CLOCK: variants seen among roughly 807,000 people sequenced by gnomAD.
CLOCK encodes circadian locomoter output cycles protein kaput.
CLOCK carries 43 observed loss-of-function variants against 118.4 expected under a neutral mutation model. That is an observed-to-expected ratio of 0.36 (90% CI 0.28 to 0.47). The LOEUF is 0.47. CLOCK is among the 20% of genes least tolerant of loss of function. CLOCK has a pLI of 1.00. For missense variants in CLOCK, 846 were observed against 999.9 expected (o/e 0.85, Z 2.08); for synonymous variants, 326 against 339.2 (o/e 0.96, Z 0.43).
At chr4:55,457,229 C>G (rs943347900) in intron 11 of CLOCK, among the ~76,000 whole-genome samples, 2 of 152,160 alleles carry the variant, frequency 1.3e-5, no homozygotes, top group Admixed American at 6.5e-5. Flanking sequence ...ACTCCTCACA[C>G]CCAATCACAC....
In CLOCK at chr4:55,435,046, T is replaced by C; in HGVS notation, c.*369A>G. 3.1e-6 allele frequency: 1 copy of C among 323,294 alleles called. No individual in the cohort carries two copies. The highest frequency in any genetic ancestry group is 2.1e-5 in the African/African-American group (1 of 46,584). 20.0% of individuals were successfully genotyped at this position (323,294 alleles called of 1,614,324 possible). On this transcript the variant is annotated 3_prime_UTR_variant, in exon 23 of 23. Transcript: ENST00000513440. ...GCAGTGGTATGTCCTCTGTAACACT[T>C]GATAAGAGGCACAGAACCACTAAAA...
chr4:55,485,855 C>T, intron 3 of CLOCK, among the ~76,000 whole-genome samples: 1 of 151,832 alleles, frequency 6.6e-6, no homozygotes, highest in Non-Finnish European at 1.5e-5. Context: ...TCTCATGTAC[C>T]CCATAAATAA....
In CLOCK at chr4:55,433,141, G is replaced by A. The variant is rs544813759; in HGVS notation, c.*2274C>T. On this transcript the variant is annotated 3_prime_UTR_variant, in exon 23 of 23. Transcript: ENST00000513440. ...GGTCAAGAAAGGCAATTTGAAAGGG[G>A]AGAAGAACAATGCTATTGCCATATT... The A allele has an allele frequency of 8.8e-4, 134 of 152,774 alleles. 1 individual carries two copies. The highest frequency in any genetic ancestry group is 1.7e-3 in the East Asian group (9 of 5,186). 9.5% of individuals were successfully genotyped at this position (152,774 alleles called of 1,614,324 possible).
chr4:55,542,607 C>T (rs1010925480), intron 1 of CLOCK, among the ~76,000 whole-genome samples: 1 of 151,728 alleles, frequency 6.6e-6, no homozygotes, highest in East Asian at 1.9e-4. Context: ...TATTAGAGAA[C>T]CAGAGGGATG....
Position 55,476,071 on chromosome 4 carries a change from A to G in CLOCK, c.257-17T>C, listed in dbSNP as rs774294028. The G allele has an allele frequency of 1.3e-6, 2 of 1,569,880 alleles. No individual in the cohort carries two copies. The highest frequency in any genetic ancestry group is 1.8e-6 in the Non-Finnish European group (2 of 1,140,506). Reference sequence around the variant, plus strand: ...CAGTGATTTCTGTAAACAGATTGACATATTAGTGGCATACTCCAACCACCG... The same window carrying G: ...CAGTGATTTCTGTAAACAGATTGACGTATTAGTGGCATACTCCAACCACCG... On this transcript the variant is annotated splice_polypyrimidine_tract_variant and intron_variant, in intron 6 of 22. Transcript: ENST00000513440.
chr4:55,435,640 G>A, intron 22 of CLOCK, 46 bp from the exon 23 acceptor site: 1 of 1,586,562 alleles, frequency 6.3e-7, no homozygotes, highest in Non-Finnish European at 8.6e-7. Flanking sequence ...TCCCTTTATG[G>A]CACCCACATA....
chr4:55,520,943 C>T (rs539561659), intron 1 of CLOCK, among the ~76,000 whole-genome samples: 117 of 152,096 alleles, frequency 7.7e-4, no homozygotes, highest in Non-Finnish European at 1.5e-3. Context: ...AGATTTAGTC[C>T]CCAAGGTTCA....
At chr4:55,466,718 A>C (rs1001153635) in intron 8 of CLOCK, among the ~76,000 whole-genome samples, 9 of 152,300 alleles carry the variant, frequency 5.9e-5, no homozygotes, top group Admixed American at 3.9e-4. Context: ...TGCCACTTTA[A>C]TAGGTGTCAA....
intron 21 of CLOCK, among the ~76,000 whole-genome samples, chr4:55,440,486 T>A (rs1222737554): frequency 1.3e-5 from 2 of 152,236 alleles, no homozygotes; most frequent in African/African-American, 4.8e-5. Context: ...TGGCATGACA[T>A]AACTGTATTT....
chr4:55,491,787 G>T (rs748111734), intron 2 of CLOCK, among the ~76,000 whole-genome samples: 19 of 151,050 alleles, frequency 1.3e-4, no homozygotes, highest in African/African-American at 4.6e-4. Context: ...CAACAGCACA[G>T]ATGACTTTAC....
At chr4:55,448,601 C>CGCGCGCGTGTGT (rs764071880) in intron 18 of CLOCK, among the ~76,000 whole-genome samples, 178 bp downstream of exon 18, 19 of 117,038 alleles carry the variant, frequency 1.6e-4, no homozygotes, top group South Asian at 8.7e-4. Flanking sequence ...CGCACGCGCG[C>CGCGCGCGTGTGT]GTGTGTGTGT....
chr4:55,435,720 T>C, intron 22 of CLOCK, 126 bp from the exon 23 acceptor site: 2 of 945,620 alleles, frequency 2.1e-6, no homozygotes, highest in South Asian at 1.4e-5. Flanking sequence ...CATATCACTT[T>C]CACTCTCTGG....
Position 55,430,145 on chromosome 4 carries a change from C to T in CLOCK, c.*5270G>A, listed in dbSNP as rs1023556739. ...CTTTAAAAGCAATTGCTTCTTTGAA[C>T]CCCTTTCTAAATTCTTTCATAAATA... On this transcript the variant is annotated 3_prime_UTR_variant, in exon 23 of 23. Transcript: ENST00000513440. 6.6e-5 allele frequency: 10 copies of T among 152,168 alleles called. No homozygotes were observed. Among genetic ancestry groups the T allele is most frequent in the African/African-American group, 2.2e-4 (9 of 41,448 alleles). The allele number at this position is 152,168 out of a possible 1,614,324, so 9.4% of individuals were successfully genotyped here. A position where few individuals can be genotyped will look rare whatever the true frequency, so the allele number is the denominator to read the frequency against.
chr4:55,510,629 T>TTA (rs1553901170), intron 1 of CLOCK, among the ~76,000 whole-genome samples: 4,880 of 104,334 alleles, frequency 0.047, 331 homozygotes, highest in African/African-American at 0.16. Context: ...TCTGTCTTTT[T>TTA]AAAAAAAAAA....
At chr4:55,530,260 T>C (rs1730451079) in intron 1 of CLOCK, among the ~76,000 whole-genome samples, 1 of 152,126 alleles carries the variant, frequency 6.6e-6, no homozygotes, top group African/African-American at 2.4e-5. Flanking sequence ...AAGGATCATT[T>C]AGAAAATAAC....
intron 15 of CLOCK, among the ~76,000 whole-genome samples, chr4:55,450,806 C>A (rs1249070010): frequency 1.3e-5 from 2 of 151,910 alleles, no homozygotes; most frequent in Middle Eastern, 3.4e-3. Flanking sequence ...GAATCACAGA[C>A]CTAAATTTTA....
At chr4:55,544,578 C>G (rs995129453) in intron 1 of CLOCK, among the ~76,000 whole-genome samples, 1 of 152,160 alleles carries the variant, frequency 6.6e-6, no homozygotes, top group South Asian at 2.1e-4. Context: ...TCCCAAACTT[C>G]CTTTTTAGTT....
chr4:55,468,006 T>G (rs893944580), intron 8 of CLOCK, among the ~76,000 whole-genome samples: 2 of 152,218 alleles, frequency 1.3e-5, no homozygotes, highest in African/African-American at 4.8e-5. Flanking sequence ...CCATTGATTC[T>G]CTTTATAAGG....
chr4:55,443,327 C>G (rs772396169), intron 20 of CLOCK, among the ~76,000 whole-genome samples: 20 of 151,732 alleles, frequency 1.3e-4, no homozygotes, highest in Non-Finnish European at 2.6e-4. Context: ...ATATGAAAAT[C>G]AGCCTGGCAT....
Sources: allele counts gnomAD v4.1 joint callset (sites outside exome capture counted in the v4.1 genomes callset), GRCh38; gene constraint gnomAD v4.1.1; transcripts MANE v1.5; gene names NCBI Gene and HGNC (gene_info 2026-07-23, HGNC 2026-07-21).